Variants in RBFOX1 observed in about 807,000 individuals in gnomAD.
RBFOX1 encodes the protein RNA binding protein fox-1 homolog 1.
In RBFOX1, 8 loss-of-function variants were observed where a neutral mutation model predicts 57.7. The ratio of observed to expected loss-of-function variants is 0.14; its 90% CI spans 0.08 to 0.25. The LOEUF is 0.25. Among genes scored for constraint, RBFOX1 ranks in the 10% least tolerant of loss-of-function variants. The probability of loss-of-function intolerance (pLI) is 1.00; values close to 1 mark genes in which losing one functional copy is unlikely to be tolerated. For synonymous variants in RBFOX1, 326 were observed against 222.4 expected, an observed-to-expected ratio of 1.47 and a Z score of -4.15; for missense variants, 611 against 548.5, an observed-to-expected ratio of 1.11 and a Z score of -1.14.
At chr16:6,762,358 T>G (rs2076725710) in intron 3 of RBFOX1, among the ~76,000 whole-genome samples, 1 of 152,202 alleles carries the variant, frequency 6.6e-6, no homozygotes, top group Non-Finnish European at 1.5e-5. Flanking sequence ...AAGTAATTTT[T>G]AGCAACCCTT....
At chr16:7,351,918 C>T (rs1054391087) in intron 4 of RBFOX1, among the ~76,000 whole-genome samples, 1 of 152,146 alleles carries the variant, frequency 6.6e-6, no homozygotes, top group Non-Finnish European at 1.5e-5. Flanking sequence ...ACCCCAACCC[C>T]AGGAAAAGCC....
chr16:6,623,835 A>G (rs1024835925), intron 2 of RBFOX1, among the ~76,000 whole-genome samples: 11 of 152,128 alleles, frequency 7.2e-5, no homozygotes, highest in Non-Finnish European at 1.5e-4. Flanking sequence ...TTCTTAATCC[A>G]GTCTATCATT....
At chr16:6,321,621 G>T (rs1479550520) in intron 2 of RBFOX1, among the ~76,000 whole-genome samples, 1 of 152,136 alleles carries the variant, frequency 6.6e-6, no homozygotes, top group Non-Finnish European at 1.5e-5. Context: ...TATTTCCATG[G>T]CATCTACTGT....
intron 2 of RBFOX1, among the ~76,000 whole-genome samples, chr16:6,392,598 C>G (rs1458476753): frequency 6.6e-6 from 1 of 152,022 alleles, no homozygotes; most frequent in African/African-American, 2.4e-5. Flanking sequence ...TGGTAATATC[C>G]CTTTGCTCTC....
chr16:5,401,906 A>C (rs570487789), intron 1 of RBFOX1, among the ~76,000 whole-genome samples: 1 of 151,022 alleles, frequency 6.6e-6, no homozygotes, highest in African/African-American at 2.4e-5. Context: ...TCTTTTCTCT[A>C]TTTTTACTGC....
intron 1 of RBFOX1, among the ~76,000 whole-genome samples, chr16:5,256,401 G>T (rs1596318376): frequency 6.6e-6 from 1 of 152,172 alleles, no homozygotes; most frequent in South Asian, 2.1e-4. Context: ...ACCTTCACCT[G>T]TCCTCACATG....
chr16:7,012,732 G>C (rs1246951883), intron 3 of RBFOX1, among the ~76,000 whole-genome samples: 1 of 152,196 alleles, frequency 6.6e-6, no homozygotes, highest in African/African-American at 2.4e-5. Flanking sequence ...TTGTTGGGAA[G>C]CTGTGCACAC....
intron 1 of RBFOX1, among the ~76,000 whole-genome samples, chr16:6,100,274 T>C (rs903792675): frequency 6.6e-6 from 1 of 152,032 alleles, no homozygotes; most frequent in African/African-American, 2.4e-5. Flanking sequence ...GCCATTCTCC[T>C]GCCTCAGCCT....
chr16:6,857,540 T>C (rs1227497849), intron 3 of RBFOX1, among the ~76,000 whole-genome samples: 1 of 152,228 alleles, frequency 6.6e-6, no homozygotes, highest in Non-Finnish European at 1.5e-5. Flanking sequence ...GTCCTTTTTT[T>C]ATTGACTACA....
intron 1 of RBFOX1, among the ~76,000 whole-genome samples, chr16:6,089,043 C>T (rs988745544): frequency 1.4e-5 from 2 of 146,162 alleles, no homozygotes; most frequent in Non-Finnish European, 1.5e-5. Flanking sequence ...TTGCAGTGAG[C>T]CAACAGAGTG....
chr16:6,774,675 A>G, intron 3 of RBFOX1, among the ~76,000 whole-genome samples: 1 of 152,280 alleles, frequency 6.6e-6, no homozygotes. Flanking sequence ...TCTTGACAGT[A>G]AATTAGCATT....
intron 14 of RBFOX1, among the ~76,000 whole-genome samples, chr16:7,688,902 C>T (rs960340241): frequency 5.3e-5 from 8 of 152,068 alleles, no homozygotes; most frequent in African/African-American, 1.4e-4. Flanking sequence ...AGTTACTCCA[C>T]AGAGACATCA....
At chr16:5,841,636 C>A (rs2056628421) in intron 3 of RBFOX1, among the ~76,000 whole-genome samples, 1 of 152,176 alleles carries the variant, frequency 6.6e-6, no homozygotes, top group Admixed American at 6.5e-5. Flanking sequence ...TAATCTCTAT[C>A]TGTCTAGTCA....
chr16:6,211,816 C>G (rs1341653073), intron 1 of RBFOX1, among the ~76,000 whole-genome samples: 2 of 144,882 alleles, frequency 1.4e-5, no homozygotes, highest in Non-Finnish European at 1.5e-5. Flanking sequence ...TAAAGGAATA[C>G]ATCTTTTATT....
intron 1 of RBFOX1, among the ~76,000 whole-genome samples, chr16:5,252,610 TG>T (rs2062480878): frequency 6.6e-6 from 1 of 152,146 alleles, no homozygotes; most frequent in Admixed American, 6.5e-5. Context: ...CCCAGGGGCC[TG>T]GGCAGCACTG....
chr16:6,256,489 G>A (rs2097668178), intron 1 of RBFOX1, among the ~76,000 whole-genome samples: 1 of 151,340 alleles, frequency 6.6e-6, no homozygotes, highest in African/African-American at 2.4e-5. Context: ...AGAAGTTGAT[G>A]AGACCAGATT....
At chr16:6,895,436 G>GTATATATATATATATATATATATA (rs1420239034) in intron 3 of RBFOX1, among the ~76,000 whole-genome samples, 1 of 85,770 alleles carries the variant, frequency 1.2e-5, no homozygotes, top group Non-Finnish European at 2.4e-5. Flanking sequence ...GTGTGTGTGT[G>GTATATATATATATATATATATATA]TGTGTGTGTG....
chr16:6,052,047 T>G (rs1435098628), intron 1 of RBFOX1, among the ~76,000 whole-genome samples: 6 of 152,122 alleles, frequency 3.9e-5, no homozygotes, highest in African/African-American at 1.2e-4. Context: ...ACAAGCCTGT[T>G]TTATGAAAAA....
At chr16:6,704,171 C>T (rs1033391024) in intron 3 of RBFOX1, 18 of 152,190 alleles carry the variant, frequency 1.2e-4, no homozygotes, top group African/African-American at 4.3e-4. Context: ...TTATCATCCC[C>T]ATGTTGTGTG....
Sources: gnomAD v4.1 joint callset for allele counts (sites outside exome capture counted in the v4.1 genomes callset) on GRCh38, gnomAD v4.1.1 for gene constraint, MANE v1.5 for transcripts, NCBI Gene and HGNC (gene_info 2026-07-23, HGNC 2026-07-21) for gene names.